GALNT18: variants seen among roughly 807,000 people sequenced by gnomAD.
The protein encoded by GALNT18 is polypeptide N-acetylgalactosaminyltransferase 18.
GALNT18 carries 44 observed loss-of-function variants against 69.5 expected under a neutral mutation model. The observed-to-expected ratio is 0.63, with a 90% CI of 0.50 to 0.81. The LOEUF is 0.81. Ranked by LOEUF, GALNT18 falls within the 40% of genes least tolerant of loss-of-function variation. GALNT18 has a pLI of 0.00. For synonymous variants in GALNT18, 364 were observed against 318.2 expected (o/e 1.14, Z -1.53); for missense variants, 715 against 810.0 (o/e 0.88, Z 1.42).
chr11:11,358,253 C>A (rs1564909153), intron 6 of GALNT18, among the ~76,000 whole-genome samples: 1 of 140,702 alleles, frequency 7.1e-6, no homozygotes, highest in Non-Finnish European at 1.6e-5. Context: ...TTAACACCAA[C>A]TACATGTTAC....
At chr11:11,369,818 AAAG>A (rs1850856400) in intron 6 of GALNT18, among the ~76,000 whole-genome samples, 1 of 152,190 alleles carries the variant, frequency 6.6e-6, no homozygotes, top group African/African-American at 2.4e-5. Context: ...CAGAAAAAAA[AAAG>A]AGCATGAAAT....
At chr11:11,460,898 C>A (rs779185294) in intron 1 of GALNT18, among the ~76,000 whole-genome samples, 1 of 152,126 alleles carries the variant, frequency 6.6e-6, no homozygotes, top group Non-Finnish European at 1.5e-5. Flanking sequence ...TATAAACTAC[C>A]CAGTCTCAAG....
At position 11,436,732 on chromosome 11, in the gene GALNT18, A is replaced by G. The variant is rs1855411637; in HGVS notation, c.429-3945T>C. Among the ~76,000 whole-genome samples, 1 of 152,240 alleles carries G rather than the reference A, an allele frequency of 6.6e-6. No individual in the cohort carries two copies. Among genetic ancestry groups the G allele is most frequent in the African/African-American group, 2.4e-5 (1 of 41,476 alleles). Reference sequence around the variant, plus strand: ...AAGAGGGAAGAAGAGCATATCAAGCAAGACATCTACATCCTTCCTGGTCAT... The same window carrying G: ...AAGAGGGAAGAAGAGCATATCAAGCGAGACATCTACATCCTTCCTGGTCAT... On this transcript the variant is annotated intron_variant, in intron 2 of 10. Coordinates refer to ENST00000227756, the MANE Select transcript of GALNT18 (RefSeq NM_198516.3). The surrounding 1 kb of genome is among the most constrained non-coding windows in gnomAD (Gnocchi z 4.5).
At chr11:11,271,704 G>A (rs980024380) in intron 10 of GALNT18, among the ~76,000 whole-genome samples, 9 of 150,648 alleles carry the variant, frequency 6.0e-5, no homozygotes, top group Non-Finnish European at 7.4e-5. Flanking sequence ...TGCTCCTAGG[G>A]TCCATGCCCC....
At chr11:11,323,027 A>T (rs1849863417) in intron 9 of GALNT18, among the ~76,000 whole-genome samples, 1 of 152,118 alleles carries the variant, frequency 6.6e-6, no homozygotes. Context: ...GACTTTAATT[A>T]CTTCCTCACT....
intron 1 of GALNT18, among the ~76,000 whole-genome samples, chr11:11,530,416 A>T (rs1015123894): frequency 6.6e-6 from 1 of 152,138 alleles, no homozygotes; most frequent in African/African-American, 2.4e-5. Context: ...GGCAACATCA[A>T]CTGGACCTGA....
chr11:11,462,582 C>A (rs72863057), intron 1 of GALNT18, among the ~76,000 whole-genome samples: 8,207 of 152,220 alleles, frequency 0.054, 314 homozygotes, highest in Middle Eastern at 0.095. Context: ...CATAAGCCAC[C>A]GCACCCGGCC....
chr11:11,384,447 C>T (rs556976233), intron 3 of GALNT18, among the ~76,000 whole-genome samples: 1 of 152,002 alleles, frequency 6.6e-6, no homozygotes, highest in South Asian at 2.1e-4. Flanking sequence ...GGCAAGGTAG[C>T]CTAAAGCTTC....
chr11:11,303,864 G>A (rs1431296758), intron 9 of GALNT18, among the ~76,000 whole-genome samples: 1 of 152,218 alleles, frequency 6.6e-6, no homozygotes, highest in African/African-American at 2.4e-5. Context: ...TTGGTGAAAA[G>A]CACATTTCAT....
chr11:11,455,255 C>T (rs899667695), intron 1 of GALNT18, among the ~76,000 whole-genome samples: 1 of 152,166 alleles, frequency 6.6e-6, no homozygotes, highest in Non-Finnish European at 1.5e-5. Flanking sequence ...AGATGTGTTC[C>T]CTATCCTCAT....
intron 9 of GALNT18, among the ~76,000 whole-genome samples, chr11:11,298,896 T>C (rs187985632): frequency 5.3e-4 from 81 of 152,338 alleles, no homozygotes; most frequent in Admixed American, 2.8e-3. Context: ...TAGCTTCTAC[T>C]CCACCAAAGA....
chr11:11,544,223 T>C (rs1263491466), intron 1 of GALNT18, among the ~76,000 whole-genome samples: 2 of 152,288 alleles, frequency 1.3e-5, no homozygotes, highest in Non-Finnish European at 2.9e-5. Context: ...GTAATGGACA[T>C]TGAGGGGACC....
intron 1 of GALNT18, among the ~76,000 whole-genome samples, chr11:11,525,002 G>A (rs1857486977): frequency 6.6e-6 from 1 of 152,160 alleles, no homozygotes; most frequent in South Asian, 2.1e-4. Flanking sequence ...ACTCAGACTG[G>A]ATCTTGAAGA....
intron 1 of GALNT18, among the ~76,000 whole-genome samples, chr11:11,529,638 T>TATATACAC (rs10624956): frequency 7.8e-4 from 57 of 72,948 alleles, no homozygotes; most frequent in East Asian, 2.6e-3. Context: ...TATATATATA[T>TATATACAC]ACACACACAC....
intron 1 of GALNT18, among the ~76,000 whole-genome samples, chr11:11,473,886 G>A (rs1856329705): frequency 6.6e-6 from 1 of 152,274 alleles, no homozygotes; most frequent in African/African-American, 2.4e-5. Flanking sequence ...CCAACATGGT[G>A]ATACTCAGTC....
intron 1 of GALNT18, among the ~76,000 whole-genome samples, chr11:11,581,657 C>T (rs1274816358): frequency 6.6e-6 from 1 of 152,050 alleles, no homozygotes; most frequent in Non-Finnish European, 1.5e-5. Flanking sequence ...GCCGAGTGGG[C>T]ACTTTATCCC....
chr11:11,369,592 G>T (rs555786911), intron 6 of GALNT18, among the ~76,000 whole-genome samples: 28 of 152,154 alleles, frequency 1.8e-4, no homozygotes, highest in Non-Finnish European at 3.2e-4. Flanking sequence ...ACATATTGGG[G>T]CTGGGGGCAC....
intron 1 of GALNT18, among the ~76,000 whole-genome samples, chr11:11,503,277 C>G (rs140086231): frequency 7.2e-4 from 110 of 152,252 alleles, no homozygotes; most frequent in African/African-American, 2.5e-3. Context: ...GCTGAGTGGT[C>G]TTGGATACAT....
chr11:11,552,309 C>T (rs929986380), intron 1 of GALNT18, among the ~76,000 whole-genome samples: 3 of 152,200 alleles, frequency 2.0e-5, no homozygotes, highest in Non-Finnish European at 2.9e-5. Context: ...AAGCTAGAAA[C>T]TCCTCCAGCT....
Sources: gnomAD v4.1 joint callset for allele counts (sites outside exome capture counted in the v4.1 genomes callset) on GRCh38, gnomAD v4.1.1 for gene constraint, Gnocchi (gnomAD v3.1) non-coding constraint, MANE v1.5 for transcripts, NCBI Gene and HGNC (gene_info 2026-07-23, HGNC 2026-07-21) for gene names.